CLCN2: variants seen among roughly 807,000 people sequenced by gnomAD.
CLCN2 encodes the protein chloride voltage-gated channel 2, also known as chloride channel protein 2.
Under a neutral mutation model 108.3 loss-of-function variants are expected in CLCN2, and 72 were observed. That is an observed-to-expected ratio of 0.66 (90% CI 0.55 to 0.81). The LOEUF (loss-of-function observed/expected upper bound fraction) is 0.81, where lower values mean the gene tolerates loss of function less well. Among genes scored for constraint, CLCN2 ranks in the 30% least tolerant of loss-of-function variants. The pLI, the probability that CLCN2 is intolerant of heterozygous loss-of-function variation, is 0.00. For synonymous variants in CLCN2, 471 were observed against 467.1 expected (o/e 1.01, Z -0.11); for missense variants, 1,048 against 1,205.2 (o/e 0.87, Z 1.93).
chr3:184,357,276 A>C lies in CLCN2; in HGVS notation c.899-10T>G. 3.7e-6 allele frequency: 6 copies of C among 1,614,054 alleles called. No homozygotes were observed. The highest frequency in any genetic ancestry group is 1.7e-5 in the Admixed American group (1 of 60,034). On this transcript the variant is annotated splice_polypyrimidine_tract_variant and intron_variant, in intron 8 of 23. Transcript: ENST00000265593. ...AGGGCTGTAATAGTCTCTAAAGGGA[A>C]GAACAGCAGAGGGAGGCAGGCCTAG...
In CLCN2 at chr3:184,357,436, T is replaced by A; in HGVS notation, c.824A>T (p.Tyr275Phe). 1 of 1,614,100 alleles carries A rather than the reference T, an allele frequency of 6.2e-7. No homozygotes were observed. Among genetic ancestry groups the A allele is most frequent in the Non-Finnish European group, 8.5e-7 (1 of 1,180,028 alleles). ...GGTGGCAGCGAAGAAGCCCCGCCAG[T>A]AGTTCCGCACTGCAAAGAAGGTGGA... ...VTSTFFAVRN[Y>F]WRGFFAATFS... The change falls in exon 8 of 24, where the codon TAC (tyrosine) becomes TTC (phenylalanine). Residue 275 changes from tyrosine (Y) to phenylalanine (F), a missense_variant. Tyr to Phe is a conservative substitution (Grantham distance 22, BLOSUM62 3). Coordinates refer to ENST00000265593, the MANE Select transcript of CLCN2 (RefSeq NM_004366.6).
At chr3:184,359,334 A>G (rs1385522438) in intron 1 of CLCN2, among the ~76,000 whole-genome samples, 1 of 152,228 alleles carries the variant, frequency 6.6e-6, no homozygotes, top group Non-Finnish European at 1.5e-5. Context: ...TGATGGGGAC[A>G]GCCAAGGTAC....
chr3:184,351,193 T>C (rs753084159), intron 22 of CLCN2, among the ~76,000 whole-genome samples: 2 of 152,182 alleles, frequency 1.3e-5, no homozygotes, highest in Non-Finnish European at 2.9e-5. Flanking sequence ...CTGCAGGTTT[T>C]GGGTACATCT....
At position 184,354,325 on chromosome 3, in the gene CLCN2, T is replaced by A. The variant is rs774378354; in HGVS notation, c.1508-11A>T. 9.3e-6 allele frequency: 15 copies of A among 1,612,058 alleles called. No homozygotes were observed. The highest frequency in any genetic ancestry group is 1.7e-5 in the Admixed American group (1 of 59,990). ...CCAGCGCAGCTGCCCCTGGGGACAG[T>A]CACACTCAGTCTCCTCAGGGTGCCC... On this transcript the variant is annotated splice_polypyrimidine_tract_variant and intron_variant, in intron 14 of 23. Coordinates refer to ENST00000265593, the MANE Select transcript of CLCN2 (RefSeq NM_004366.6).
intron 22 of CLCN2, among the ~76,000 whole-genome samples, chr3:184,350,377 T>C (rs1728004707): frequency 1.3e-5 from 2 of 152,146 alleles, no homozygotes; most frequent in Non-Finnish European, 2.9e-5. Flanking sequence ...TGTATTAATA[T>C]GGTTAAGGCC....
rs769146540 is a variant in CLCN2 at position 184,358,063 on chromosome 3, G to A, written c.514C>T (p.Arg172Trp). The change falls in exon 5 of 24, where the codon CGG becomes TGG. Residue 172 changes from arginine to tryptophan, a missense_variant. Transcript: ENST00000265593. ...AGGTATTCTTTCAGCACCACTCCCC[G>A]CAAGATGGTCTTCATCTCAGGGATG... Reference protein sequence around the residue: ...SGIPEMKTILRGVVLKEYLTL... With the variant: ...SGIPEMKTILWGVVLKEYLTL... 9.9e-6 allele frequency: 16 copies of A among 1,614,100 alleles called. No individual in the cohort carries two copies. The highest frequency in any genetic ancestry group is 6.6e-5 in the South Asian group (6 of 91,090).
chr3:184,352,876 A>C, intron 18 of CLCN2, 66 bp from the exon 19 acceptor site: 1 of 1,591,962 alleles, frequency 6.3e-7, no homozygotes, highest in Non-Finnish European at 8.6e-7. Context: ...CAGGAAAGGT[A>C]AGGAAGACAC....
intron 22 of CLCN2, 100 bp from the exon 23 acceptor site, chr3:184,347,121 G>A (rs1353031666): frequency 2.1e-6 from 2 of 951,376 alleles, no homozygotes; most frequent in African/African-American, 3.2e-5. Flanking sequence ...GGAATAGGAG[G>A]GGTGCCCCAG....
rs1024036408 is a variant in CLCN2, at chr3:184,357,500, G to C, written c.773-13C>G. 2.5e-6 allele frequency: 4 copies of C among 1,614,036 alleles called. No individual in the cohort carries two copies. The Admixed American group carries it at 5.0e-5, about 20-fold the overall frequency. On this transcript the variant is annotated splice_polypyrimidine_tract_variant and intron_variant, in intron 7 of 23. Transcript: ENST00000265593. ...CTGAAGAGGACGCCTGTGAGGGGGA[G>C]GGAGACCAGCACTTGAGGCCTGGGC...
chr3:184,357,459 G>A lies in CLCN2; in HGVS notation c.801C>T (p.Ser267=), dbSNP rs368760180. The change falls in exon 8 of 24, where the codon TCC becomes TCT. Residue 267 remains serine, a synonymous_variant. Transcript: ENST00000265593. ...GGVLFSIEVT[S]TFFAVRNYWR... ...AGTAGTTCCGCACTGCAAAGAAGGT[G>A]GAGGTGACCTCGATGCTGAAGAGGA... The A allele has an allele frequency of 1.2e-6, 2 of 1,614,098 alleles. No homozygotes were observed. Among genetic ancestry groups the A allele is most frequent in the African/African-American group, 2.7e-5 (2 of 74,950 alleles).
rs1728444181 is a variant in CLCN2 at position 184,355,055 on chromosome 3, C to T, written c.1327-82G>A. ...ACAGCGCCACCCAGGAGAAGTCTAC[C>T]TCGCTGATCAGGTGGGCGTAACCCT... On this transcript the variant is annotated intron_variant, in intron 12 of 23. Transcript: ENST00000265593. This position sits in a 1 kb window ranked among gnomAD's most constrained non-coding sequence, Gnocchi z 6.3. 16 of 1,347,664 alleles carry T rather than the reference C, an allele frequency of 1.2e-5. No individual in the cohort carries two copies. In the South Asian group the frequency reaches 1.4e-4, roughly 12 times the overall value. The allele number at this position is 1,347,664 out of a possible 1,614,324, so 83.5% of individuals were successfully genotyped here.
chr3:184,357,572 G>A (rs1560264828), intron 7 of CLCN2, 48 bp downstream of exon 7: 1 of 1,613,920 alleles, frequency 6.2e-7, no homozygotes, highest in Non-Finnish European at 8.5e-7. Flanking sequence ...AGGAGGAGAG[G>A]CCAAGGGCAG....
At chr3:184,354,335 T>A (rs760953879) in intron 14 of CLCN2, 21 bp from the exon 15 acceptor site, 1 of 1,610,840 alleles carries the variant, frequency 6.2e-7, no homozygotes, top group Non-Finnish European at 8.5e-7. Context: ...TCACACTCAG[T>A]CTCCTCAGGG....
In CLCN2 at chr3:184,357,403, G is replaced by A. The variant is rs1728643825; in HGVS notation, c.857C>T (p.Ala286Val). ...GACTGCCAAGACCCGGAAGATGAAG[G>A]CACTGAAGGTGGCAGCGAAGAAGCC... ...WRGFFAATFS[A>V]FIFRVLAVWN... The change falls in exon 8 of 24, where the codon GCC becomes GTC. Residue 286 changes from alanine to valine, a missense_variant. Transcript: ENST00000265593. 6.2e-7 allele frequency: 1 copy of A among 1,614,000 alleles called. No homozygotes were observed. The highest frequency in any genetic ancestry group is 8.5e-7 in the Non-Finnish European group (1 of 1,180,034).
chr3:184,356,829 A>G (rs559111425), intron 10 of CLCN2, 164 bp downstream of exon 10: 13 of 653,482 alleles, frequency 2.0e-5, no homozygotes, highest in Non-Finnish European at 3.3e-5. Context: ...CAGGTAATTC[A>G]TATGAATATA....
intron 21 of CLCN2, 36 bp downstream of exon 21, chr3:184,352,257 G>A: frequency 6.2e-7 from 1 of 1,613,182 alleles, no homozygotes. Flanking sequence ...AACACAACCA[G>A]GAAGAAACAG....
chr3:184,361,313 G>A lies in CLCN2; in HGVS notation c.63+104C>T, dbSNP rs1577334120. ...AGCCTCAGTTTCCCCAGCTCAAAAT[G>A]CTAGGACAGGATTAGGGTAGGCCCC... On this transcript the variant is annotated intron_variant, in intron 1 of 23. Coordinates refer to ENST00000265593, the MANE Select transcript of CLCN2 (RefSeq NM_004366.6). This position sits in a 1 kb window ranked among gnomAD's most constrained non-coding sequence, Gnocchi z 6.6. 8.2e-7 allele frequency: 1 copy of A among 1,225,862 alleles called. No individual in the cohort carries two copies. Among genetic ancestry groups the A allele is most frequent in the East Asian group, 2.3e-5 (1 of 43,056 alleles). 75.9% of individuals were successfully genotyped at this position (1,225,862 alleles called of 1,614,324 possible).
chr3:184,355,311 C>A lies in CLCN2; in HGVS notation c.1326+63G>T. 1 of 1,544,510 alleles carries A rather than the reference C, an allele frequency of 6.5e-7. No homozygotes were observed. The highest frequency in any genetic ancestry group is 1.1e-5 in the South Asian group (1 of 89,508). Reference sequence around the variant, plus strand: ...GAGAGGCTTCGAGGAGTGAGCACTGCGTGGCAGGTGCTTAGAAGGGCAAGC... The same window carrying A: ...GAGAGGCTTCGAGGAGTGAGCACTGAGTGGCAGGTGCTTAGAAGGGCAAGC... On this transcript the variant is annotated intron_variant, in intron 12 of 23. Transcript: ENST00000265593. This position sits in a 1 kb window ranked among gnomAD's most constrained non-coding sequence, Gnocchi z 6.3.
At chr3:184,358,411 CAG>C (rs1711561551) in intron 3 of CLCN2, 101 bp from the exon 4 acceptor site, 4 of 1,541,900 alleles carry the variant, frequency 2.6e-6, no homozygotes, top group African/African-American at 1.4e-5. Flanking sequence ...GAGTACCACA[CAG>C]AGTCAGGGCA....
Sources: gnomAD v4.1 joint callset for allele counts (sites outside exome capture counted in the v4.1 genomes callset) on GRCh38, gnomAD v4.1.1 for gene constraint, Gnocchi (gnomAD v3.1) non-coding constraint, MANE v1.5 for transcripts, NCBI Gene and HGNC (gene_info 2026-07-23, HGNC 2026-07-21) for gene names.